The following ADAMTSL1 variants were observed in gnomAD, a reference collection of about 807,000 sequenced individuals.
ADAMTSL1 encodes ADAMTS like 1.
Under a neutral mutation model 201.8 loss-of-function variants are expected in ADAMTSL1, and 126 were observed. The observed-to-expected ratio is 0.62, with a 90% confidence interval of 0.54 to 0.72. ADAMTSL1 has a LOEUF of 0.72. Ranked by LOEUF, ADAMTSL1 falls within the 30% of genes least tolerant of loss-of-function variation. The pLI is 0.00. For missense variants in ADAMTSL1, 2,679 were observed against 2,277.8 expected, an observed-to-expected ratio of 1.18 and a Z score of -3.59; for synonymous variants, 1,121 against 903.4, an observed-to-expected ratio of 1.24 and a Z score of -4.32.
At chr9:18,785,417 G>A (rs915959808) in intron 19 of ADAMTSL1, among the ~76,000 whole-genome samples, 10 of 152,090 alleles carry the variant, frequency 6.6e-5, no homozygotes, top group Admixed American at 3.3e-4. Context: ...TACTGATAGC[G>A]CTACCTTTAT....
intron 23 of ADAMTSL1, among the ~76,000 whole-genome samples, chr9:18,838,881 T>TAA (rs200164238): frequency 2.7e-5 from 4 of 146,036 alleles, no homozygotes; most frequent in Non-Finnish European, 6.0e-5. Flanking sequence ...TCTCTTTTTT[T>TAA]TAAAAAAAAA....
chr9:18,631,687 A>G (rs1171525428), intron 5 of ADAMTSL1, among the ~76,000 whole-genome samples: 2 of 152,200 alleles, frequency 1.3e-5, no homozygotes, highest in African/African-American at 4.8e-5. Context: ...ACATATGACA[A>G]GATTTTAAAA....
At chr9:18,905,036 C>A (rs954323317) in intron 26 of ADAMTSL1, among the ~76,000 whole-genome samples, 1 of 152,136 alleles carries the variant, frequency 6.6e-6, no homozygotes, top group African/African-American at 2.4e-5. Flanking sequence ...CCAGTGGAAC[C>A]CTAGGGATCC....
intron 28 of ADAMTSL1, 81 bp downstream of exon 28, chr9:18,906,993 G>A: frequency 1.3e-6 from 2 of 1,506,636 alleles, no homozygotes; most frequent in Non-Finnish European, 1.8e-6. Flanking sequence ...GACCGACCCT[G>A]AGCATAGGGC....
chr9:18,535,007 C>T (rs781356565), intron 3 of ADAMTSL1, among the ~76,000 whole-genome samples: 4 of 152,184 alleles, frequency 2.6e-5, no homozygotes, highest in South Asian at 2.1e-4. Context: ...TTTTCCCCAT[C>T]GTCTTGGTGA....
chr9:18,657,575 G>A, intron 7 of ADAMTSL1, 64 bp from the exon 8 acceptor site: 1 of 1,265,360 alleles, frequency 7.9e-7, no homozygotes, highest in African/African-American at 1.5e-5. Flanking sequence ...CTTGTTCGAA[G>A]CTGCAAGGGA....
chr9:18,409,106 G>A (rs755546304), intron 2 of ADAMTSL1, among the ~76,000 whole-genome samples: 24 of 151,864 alleles, frequency 1.6e-4, no homozygotes, highest in East Asian at 3.9e-4. Flanking sequence ...CATCCAGGCC[G>A]GGCACAGTGG....
At chr9:18,252,550 A>G (rs2132496236) in intron 2 of ADAMTSL1, among the ~76,000 whole-genome samples, 1 of 152,348 alleles carries the variant, frequency 6.6e-6, no homozygotes, top group South Asian at 2.1e-4. Flanking sequence ...GGCTATGTAA[A>G]CAATTGTTAT....
At chr9:18,007,575 G>A (rs969614717) in intron 1 of ADAMTSL1, among the ~76,000 whole-genome samples, 3 of 151,902 alleles carry the variant, frequency 2.0e-5, no homozygotes, top group East Asian at 1.9e-4. Flanking sequence ...TTTGTAAAGC[G>A]AGGCAGGTGG....
chr9:18,279,166 T>C, intron 2 of ADAMTSL1, among the ~76,000 whole-genome samples: 1 of 152,190 alleles, frequency 6.6e-6, no homozygotes, highest in African/African-American at 2.4e-5. Flanking sequence ...ACATGAGGAA[T>C]TGGTTCCAGA....
intron 3 of ADAMTSL1, among the ~76,000 whole-genome samples, chr9:18,536,531 AG>A (rs1819787584): frequency 6.6e-6 from 1 of 152,106 alleles, no homozygotes; most frequent in African/African-American, 2.4e-5. Context: ...AATACAAGAA[AG>A]TTAAAGTTCC....
At chr9:18,281,042 A>C (rs1832768138) in intron 2 of ADAMTSL1, among the ~76,000 whole-genome samples, 1 of 151,886 alleles carries the variant, frequency 6.6e-6, no homozygotes. Context: ...CGCCTGACTA[A>C]TCTTTAAACA....
intron 23 of ADAMTSL1, among the ~76,000 whole-genome samples, chr9:18,847,486 G>A (rs1563854288): frequency 1.3e-5 from 2 of 152,230 alleles, no homozygotes; most frequent in Non-Finnish European, 2.9e-5. Flanking sequence ...TCATATGGTA[G>A]AAGTAATAAG....
chr9:18,439,717 T>C (rs1022220879), intron 2 of ADAMTSL1, among the ~76,000 whole-genome samples: 1 of 152,244 alleles, frequency 6.6e-6, no homozygotes, highest in Non-Finnish European at 1.5e-5. Flanking sequence ...TGTTCACTGC[T>C]GTATTCTCAG....
At chr9:18,257,312 G>T (rs915869149) in intron 2 of ADAMTSL1, among the ~76,000 whole-genome samples, 2 of 152,110 alleles carry the variant, frequency 1.3e-5, no homozygotes, top group African/African-American at 2.4e-5. Flanking sequence ...TAATGTGAAA[G>T]GCAGAGAATT....
At chr9:18,647,272 C>T (rs1167801833) in intron 7 of ADAMTSL1, among the ~76,000 whole-genome samples, 2 of 151,920 alleles carry the variant, frequency 1.3e-5, no homozygotes, top group Admixed American at 6.6e-5. Context: ...TTTGATTCTT[C>T]TCTCTTTTTT....
intron 2 of ADAMTSL1, among the ~76,000 whole-genome samples, chr9:18,180,158 T>A (rs372276501): frequency 6.6e-6 from 1 of 151,802 alleles, no homozygotes. Flanking sequence ...ACACATAGGC[T>A]CAAAATAAAA....
chr9:17,917,522 C>A (rs1382611988), intron 1 of ADAMTSL1, among the ~76,000 whole-genome samples: 3 of 151,920 alleles, frequency 2.0e-5, no homozygotes, highest in African/African-American at 7.2e-5. Context: ...GTTCAACCTA[C>A]CTTGCATTCT....
chr9:18,079,248 C>G (rs1159207108), intron 1 of ADAMTSL1, among the ~76,000 whole-genome samples: 1 of 152,216 alleles, frequency 6.6e-6, no homozygotes. Context: ...TTTTAAATCT[C>G]ATAAAGTAAT....
Sources: gnomAD v4.1 joint callset for allele counts (sites outside exome capture counted in the v4.1 genomes callset) on GRCh38, gnomAD v4.1.1 for gene constraint, MANE v1.5 for transcripts, NCBI Gene and HGNC (gene_info 2026-07-23, HGNC 2026-07-21) for gene names.